The following PRKCD variants were observed in gnomAD, a reference collection of about 807,000 sequenced individuals.
PRKCD encodes protein kinase C delta type.
Under a neutral mutation model 82.2 loss-of-function variants are expected in PRKCD, and 20 were observed. The observed-to-expected ratio is 0.24, with a 90% CI of 0.17 to 0.35. The LOEUF (loss-of-function observed/expected upper bound fraction) is 0.35. PRKCD is among the 10% of genes least tolerant of loss of function. The probability of loss-of-function intolerance (pLI) is 1.00; values close to 1 mark genes in which losing one functional copy is unlikely to be tolerated. For synonymous variants in PRKCD, 317 were observed against 337.0 expected (o/e 0.94, Z 0.65); for missense variants, 607 against 899.0 (o/e 0.68, Z 4.15).
At position 53,189,053 on chromosome 3, in the gene PRKCD, G is replaced by A. The variant is rs782208259; in HGVS notation, c.1555-5G>A. 12 of 1,608,372 alleles carry A rather than the reference G, an allele frequency of 7.5e-6. No individual in the cohort carries two copies. The East Asian group carries it at 1.1e-4, about 15-fold the overall frequency. On this transcript the variant is annotated splice_polypyrimidine_tract_variant and splice_region_variant and intron_variant, in intron 16 of 18. Transcript: ENST00000330452. ...CTGCTGACCTGCTGCTCTCCCCACC[G>A]CCAGATCCTACAGGGCCTGAAGTAC...
At chr3:53,172,773 C>T (rs781851315) in intron 2 of PRKCD, among the ~76,000 whole-genome samples, 51 of 152,308 alleles carry the variant, frequency 3.3e-4, no homozygotes, top group African/African-American at 1.2e-3. Context: ...CTCCCATAGA[C>T]GTTTCTGAGG....
rs782440941 is a variant in PRKCD, at chr3:53,188,849, C to T, written c.1545C>T (p.Ile515=). Residue 515 remains isoleucine, a synonymous_variant, in exon 16 of 19, where the codon ATC becomes ATT. Transcript: ENST00000330452. The stretch of plus-strand genomic sequence containing the variant: ...CCTTCTGCGGCACCCCTGACTATAT[C>T]GCCCCTGAGGTGAGCCGATACCCTT... ...ASTFCGTPDY[I]APEILQGLKY... The T allele has an allele frequency of 1.4e-5, 22 of 1,613,994 alleles. No individual in the cohort carries two copies. The highest frequency in any genetic ancestry group is 5.0e-5 in the Admixed American group (3 of 60,008).
In PRKCD at chr3:53,186,479, CAG is replaced by C. The variant is rs1213625288; in HGVS notation, c.1261-122_1261-121del. 9 of 1,377,322 alleles carry C rather than the reference CAG, an allele frequency of 6.5e-6. No individual in the cohort carries two copies. The Admixed American group carries it at 1.6e-4, about 25-fold the overall frequency. 85.3% of individuals were successfully genotyped at this position (1,377,322 alleles called of 1,614,324 possible). On this transcript the variant is annotated intron_variant, in intron 13 of 18. Coordinates refer to ENST00000330452, the MANE Select transcript of PRKCD (RefSeq NM_006254.4). ...CTTTCCCCCCTCATGCCTCCCAGGG[CAG>C]AGTCGTCCACCTCAGCCAGGGCCTG... is the stretch of plus-strand genomic sequence containing the variant.
chr3:53,183,182 C>G lies in PRKCD; in HGVS notation c.633C>G (p.Thr211=), dbSNP rs372745352. 5.0e-6 allele frequency: 8 copies of G among 1,614,176 alleles called. No homozygotes were observed. Among genetic ancestry groups the G allele is most frequent in the South Asian group, 1.1e-5 (1 of 91,084 alleles). ...IDKIIGRCTG[T]AANSRDTIFQ... ...AGATCATCGGCAGATGCACTGGCAC[C>G]GCGGCCAACAGCCGGGACACTATAG... The change falls in exon 8 of 19, where the codon ACC becomes ACG. Residue 211 remains threonine (T), a synonymous_variant. Transcript: ENST00000330452.
At position 53,169,488 on chromosome 3, in the gene PRKCD, C is replaced by T. The variant is rs1173902456; in HGVS notation, c.-20+4273C>T. Among the ~76,000 whole-genome samples, 1 of 152,084 alleles carries T rather than the reference C, an allele frequency of 6.6e-6. No homozygotes were observed. The highest frequency in any genetic ancestry group is 2.4e-5 in the African/African-American group (1 of 41,404). On this transcript the variant is annotated intron_variant, in intron 2 of 18. Transcript: ENST00000330452. The surrounding 1 kb of genome is among the most constrained non-coding windows in gnomAD (Gnocchi z 4.7). ...TGAGCCGCTGTTTTCACAACAGCTC[C>T]GGAAGCTTTGGATCATGTCTATGGC...
At chr3:53,181,118 G>A in intron 4 of PRKCD, 89 bp from the exon 5 acceptor site, 2 of 1,437,032 alleles carry the variant, frequency 1.4e-6, no homozygotes, top group Non-Finnish European at 1.9e-6. Context: ...TGGCCTTGGG[G>A]GACCAGCCAT....
rs560471861 is a variant in PRKCD at position 53,183,382 on chromosome 3, G to A, written c.658-70G>A. The A allele has an allele frequency of 6.2e-6, 10 of 1,600,412 alleles. No homozygotes were observed. The East Asian group carries it at 8.9e-5, about 14-fold the overall frequency. ...GATGTTGTTGTGCCCAGGGTTGGGG[G>A]AGAGCTAGGGGTTGAAGAAGAGGCT... On this transcript the variant is annotated intron_variant, in intron 8 of 18. Transcript: ENST00000330452.
intron 18 of PRKCD, 96 bp from the exon 19 acceptor site, chr3:53,192,012 C>A (rs1703940408): frequency 8.9e-6 from 12 of 1,346,040 alleles, no homozygotes; most frequent in Non-Finnish European, 1.3e-5. Context: ...GTGAGGACAG[C>A]TCTGGCCTGG....
intron 1 of PRKCD, among the ~76,000 whole-genome samples, chr3:53,162,395 C>T (rs140498460): frequency 8.5e-5 from 13 of 152,266 alleles, no homozygotes; most frequent in African/African-American, 3.1e-4. Flanking sequence ...CCGCCTTAAA[C>T]CTGGTCAGAA....
At chr3:53,178,289 T>C (rs1449640820) in intron 2 of PRKCD, 115 bp from the exon 3 acceptor site, 3 of 611,772 alleles carry the variant, frequency 4.9e-6, no homozygotes, top group African/African-American at 3.7e-5. Flanking sequence ...GTGTGCATCA[T>C]GTGGGCCAAA....
At chr3:53,179,548 C>T (rs781830584) in intron 3 of PRKCD, 29 bp from the exon 4 acceptor site, 7 of 1,613,922 alleles carry the variant, frequency 4.3e-6, no homozygotes, top group South Asian at 2.2e-5. Context: ...GGGCCATGGC[C>T]CAACCTTCTC....
chr3:53,181,661 G>A (rs782210145), intron 6 of PRKCD, 40 bp from the exon 7 acceptor site: 9 of 1,612,382 alleles, frequency 5.6e-6, no homozygotes, highest in African/African-American at 2.7e-5. Context: ...GGCCGATCCC[G>A]GTCCCCGCTC....
chr3:53,169,049 G>A lies in PRKCD; in HGVS notation c.-20+3834G>A, dbSNP rs150054105. ...GGTGCAGAGCCTGGGGATGGTGGTG[G>A]TGGGAGAAGAGGATTTGAGACTTGA... On this transcript the variant is annotated intron_variant, in intron 2 of 18. Transcript: ENST00000330452. The surrounding 1 kb of genome is among the most constrained non-coding windows in gnomAD (Gnocchi z 4.7). Among the ~76,000 whole-genome samples the A allele has an allele frequency of 3.5e-3, 529 of 152,260 alleles. 6 individuals carry two copies. Among genetic ancestry groups the A allele is most frequent in the Non-Finnish European group, 3.0e-3 (203 of 68,010 alleles).
In PRKCD at chr3:53,181,243, G is replaced by A. The variant is rs1703427324; in HGVS notation, c.352G>A (p.Val118Ile). The A allele has an allele frequency of 1.9e-6, 3 of 1,613,956 alleles. No homozygotes were observed. The highest frequency in any genetic ancestry group is 2.5e-6 in the Non-Finnish European group (3 of 1,179,914). ...LQPQAKVLMSVQYFLEDVDCK... is the reference protein window; with the variant it reads ...LQPQAKVLMSIQYFLEDVDCK... ...GCCTCAGGCCAAGGTGTTGATGTCT[G>A]TTCAGTATTTCCTGGAGGACGTGGG... Residue 118 changes from valine (V) to isoleucine (I), a missense_variant, in exon 5 of 19, where the codon GTT (valine) becomes ATT (isoleucine). Around this residue, in one of 5 missense-constraint regions of PRKCD, gnomAD observed 161 missense variants for 227.0 expected, o/e 0.71. Transcript: ENST00000330452.
At chr3:53,178,586 G>C (rs377368230) in intron 3 of PRKCD, 49 bp downstream of exon 3, 3 of 1,527,126 alleles carry the variant, frequency 2.0e-6, no homozygotes, top group Non-Finnish European at 2.7e-6. Context: ...TCTGGGCCCA[G>C]CTGGAAGGAC....
chr3:53,186,619 G>A lies in PRKCD; in HGVS notation c.1276G>A (p.Val426Met), dbSNP rs1553669186. Residue 426 changes from valine to methionine, a missense_variant, in exon 14 of 19, where the codon GTG becomes ATG. Val to Met is a conservative substitution (Grantham distance 21, BLOSUM62 1). Around this residue, in one of 5 missense-constraint regions of PRKCD, gnomAD observed 251 missense variants for 423.9 expected, o/e 0.59. Coordinates refer to ENST00000330452, the MANE Select transcript of PRKCD (RefSeq NM_006254.4). Reference protein sequence around the residue: ...TFQTKDHLFFVMEFLNGGDLM... With the variant: ...TFQTKDHLFFMMEFLNGGDLM... ...CCCACCCCAGGACCACCTGTTCTTT[G>A]TGATGGAGTTCCTCAACGGGGGGGA... 1 of 1,613,574 alleles carries A rather than the reference G, an allele frequency of 6.2e-7. No individual in the cohort carries two copies. Among genetic ancestry groups the A allele is most frequent in the Non-Finnish European group, 8.5e-7 (1 of 1,179,662 alleles).
At chr3:53,168,362 G>A (rs1228930528) in intron 2 of PRKCD, among the ~76,000 whole-genome samples, 1 of 152,228 alleles carries the variant, frequency 6.6e-6, no homozygotes, top group African/African-American at 2.4e-5. Flanking sequence ...CACTGTGTGG[G>A]GCCCAGAGGC....
At chr3:53,177,755 C>T (rs1703260023) in intron 2 of PRKCD, among the ~76,000 whole-genome samples, 1 of 151,898 alleles carries the variant, frequency 6.6e-6, no homozygotes, top group Admixed American at 6.6e-5. Context: ...GTGACAGATG[C>T]AAATGCCACC....
chr3:53,181,000 A>G (rs1456359949), intron 4 of PRKCD, among the ~76,000 whole-genome samples: 2 of 151,156 alleles, frequency 1.3e-5, no homozygotes, highest in Admixed American at 6.6e-5. Context: ...CCTAAATGTA[A>G]TAATACCCCT....
Sources: allele counts gnomAD v4.1 joint callset (sites outside exome capture counted in the v4.1 genomes callset), GRCh38; gene constraint gnomAD v4.1.1; regional missense constraint gnomAD v4.1.1; non-coding constraint Gnocchi (gnomAD v3.1); transcripts MANE v1.5; gene names NCBI Gene and HGNC (gene_info 2026-07-23, HGNC 2026-07-21).